The following MAD1L1 variants were observed in gnomAD, a reference collection of about 807,000 sequenced individuals.
MAD1L1 encodes mitotic arrest deficient 1 like 1.
Under a neutral mutation model 96.9 loss-of-function variants are expected in MAD1L1, and 95 were observed. That is an observed-to-expected ratio of 0.98 (90% CI 0.83 to 1.16). The LOEUF is 1.16. Ranked by LOEUF, MAD1L1 falls within the 50% of genes most tolerant of loss-of-function variation. The probability of loss-of-function intolerance (pLI) is 0.00; values close to 1 mark genes in which losing one functional copy is unlikely to be tolerated. For synonymous variants in MAD1L1, 473 were observed against 396.6 expected (o/e 1.19, Z -2.29); for missense variants, 1,007 against 954.4 (o/e 1.06, Z -0.73).
intron 12 of MAD1L1, among the ~76,000 whole-genome samples, chr7:2,019,688 C>A (rs1183234034): frequency 6.6e-6 from 1 of 151,962 alleles, no homozygotes; most frequent in Admixed American, 6.6e-5. Flanking sequence ...CACGCCTCGC[C>A]ACCCTCCACC....
At chr7:2,226,823 C>G (rs1402699682) in intron 3 of MAD1L1, among the ~76,000 whole-genome samples, 5 of 151,906 alleles carry the variant, frequency 3.3e-5, no homozygotes, top group African/African-American at 4.8e-5. Context: ...AACCCCGTCT[C>G]TACTAAAAAT....
intron 15 of MAD1L1, among the ~76,000 whole-genome samples, chr7:1,963,725 C>T (rs771000760): frequency 2.0e-5 from 3 of 152,338 alleles, no homozygotes; most frequent in Non-Finnish European, 2.9e-5. Context: ...AGACGCCGTG[C>T]GCTGCCCTCC....
chr7:1,918,308 C>T (rs1788550350), intron 17 of MAD1L1, among the ~76,000 whole-genome samples: 1 of 152,196 alleles, frequency 6.6e-6, no homozygotes. Context: ...AGCGCAGTCC[C>T]CTCCCCACAC....
intron 12 of MAD1L1, among the ~76,000 whole-genome samples, chr7:2,057,527 C>A (rs894229140): frequency 4.6e-5 from 7 of 151,702 alleles, no homozygotes; most frequent in East Asian, 1.9e-4. Context: ...CACCGCCCCC[C>A]CAAAAAGAAG....
intron 14 of MAD1L1, among the ~76,000 whole-genome samples, chr7:1,988,862 G>A (rs541413564): frequency 3.3e-5 from 5 of 152,310 alleles, no homozygotes; most frequent in South Asian, 2.1e-4. Context: ...CAGGCTGCAG[G>A]AGGCAGGGCC....
At chr7:2,174,078 T>C (rs1790837238) in intron 10 of MAD1L1, among the ~76,000 whole-genome samples, 1 of 152,170 alleles carries the variant, frequency 6.6e-6, no homozygotes. Flanking sequence ...CCTCAGCCAC[T>C]GAAAGTGCTG....
At chr7:1,950,711 G>A (rs1372542168) in intron 16 of MAD1L1, among the ~76,000 whole-genome samples, 1 of 152,220 alleles carries the variant, frequency 6.6e-6, no homozygotes, top group South Asian at 2.1e-4. Flanking sequence ...GTGAGCAGCT[G>A]CAGGCCCACA....
chr7:2,120,444 C>G (rs1290139988), intron 11 of MAD1L1, among the ~76,000 whole-genome samples: 1 of 152,232 alleles, frequency 6.6e-6, no homozygotes, highest in Non-Finnish European at 1.5e-5. Flanking sequence ...GGGGGCGCAG[C>G]CTTGGGGTCA....
At chr7:2,028,910 G>C (rs1003883359) in intron 12 of MAD1L1, among the ~76,000 whole-genome samples, 6 of 152,038 alleles carry the variant, frequency 3.9e-5, no homozygotes, top group African/African-American at 1.4e-4. Flanking sequence ...GTGCAACAAG[G>C]CTGCGCAGGG....
At chr7:2,140,270 C>A (rs1398887681) in intron 11 of MAD1L1, among the ~76,000 whole-genome samples, 1 of 152,184 alleles carries the variant, frequency 6.6e-6, no homozygotes, top group East Asian at 1.9e-4. Flanking sequence ...ACTGCCCAAA[C>A]GTAAAACAGT....
chr7:2,076,246 T>C (rs988530408), intron 11 of MAD1L1, among the ~76,000 whole-genome samples: 3 of 152,174 alleles, frequency 2.0e-5, no homozygotes, highest in East Asian at 1.9e-4. Context: ...AGTTCACCTG[T>C]GAAAACCCAG....
chr7:1,938,903 G>GCACACA (rs367763521), intron 16 of MAD1L1, among the ~76,000 whole-genome samples: 2 of 81,846 alleles, frequency 2.4e-5, no homozygotes, highest in African/African-American at 6.3e-5. Flanking sequence ...CCAGAGGCGC[G>GCACACA]CACACACACA....
chr7:1,915,443 C>T (rs956675733), intron 17 of MAD1L1, among the ~76,000 whole-genome samples: 1 of 152,098 alleles, frequency 6.6e-6, no homozygotes, highest in Non-Finnish European at 1.5e-5. Context: ...GGCCAGGGGA[C>T]GGCGCAGGCA....
chr7:1,876,632 T>TA (rs1434212179), intron 18 of MAD1L1, among the ~76,000 whole-genome samples: 1 of 151,842 alleles, frequency 6.6e-6, no homozygotes, highest in Non-Finnish European at 1.5e-5. Context: ...TATATATGCT[T>TA]AAAACTTTCC....
At chr7:2,047,552 T>G (rs1226569737) in intron 12 of MAD1L1, among the ~76,000 whole-genome samples, 1 of 152,220 alleles carries the variant, frequency 6.6e-6, no homozygotes, top group Non-Finnish European at 1.5e-5. Context: ...TTAATAACTA[T>G]CACAATGGTT....
intron 16 of MAD1L1, among the ~76,000 whole-genome samples, chr7:1,942,330 C>A (rs1174183479): frequency 6.6e-6 from 1 of 152,246 alleles, no homozygotes; most frequent in Non-Finnish European, 1.5e-5. Context: ...CCAGGTGAGA[C>A]AGGACCGTGC....
chr7:2,076,723 G>C (rs1186291143), intron 11 of MAD1L1, among the ~76,000 whole-genome samples: 5 of 152,046 alleles, frequency 3.3e-5, no homozygotes, highest in Admixed American at 2.0e-4. Context: ...GTGACCCTGA[G>C]ACAGGGTTAC....
At chr7:2,096,664 C>G (rs900047323) in intron 11 of MAD1L1, among the ~76,000 whole-genome samples, 3 of 152,160 alleles carry the variant, frequency 2.0e-5, no homozygotes, top group Non-Finnish European at 4.4e-5. Flanking sequence ...ACAGGAGGAA[C>G]GAGGCCAGAC....
intron 11 of MAD1L1, among the ~76,000 whole-genome samples, chr7:2,145,235 C>A (rs1789237637): frequency 6.6e-6 from 1 of 152,232 alleles, no homozygotes; most frequent in Non-Finnish European, 1.5e-5. Context: ...AGCAGCCCCA[C>A]AGACACTCTC....
Sources: allele counts gnomAD v4.1 joint callset (sites outside exome capture counted in the v4.1 genomes callset), GRCh38; gene constraint gnomAD v4.1.1; transcripts MANE v1.5; gene names NCBI Gene and HGNC (gene_info 2026-07-23, HGNC 2026-07-21).